Variants in TEX36 observed in about 807,000 individuals in gnomAD.
The protein encoded by TEX36 is testis expressed 36.
Under a neutral mutation model 13.6 loss-of-function variants are expected in TEX36, and 12 were observed. That is an observed-to-expected ratio of 0.88 (90% CI 0.56 to 1.43). TEX36 has a LOEUF of 1.43. Among genes scored for constraint, TEX36 ranks in the 40% most tolerant of loss-of-function variants. TEX36 has a pLI of 0.00. For missense variants in TEX36, 224 were observed against 228.3 expected, an observed-to-expected ratio of 0.98 and a Z score of 0.12; for synonymous variants, 93 against 83.0, an observed-to-expected ratio of 1.12 and a Z score of -0.65.
At chr10:125,622,909 G>A (rs1037310490) in intron 3 of TEX36, among the ~76,000 whole-genome samples, 11 of 152,164 alleles carry the variant, frequency 7.2e-5, no homozygotes, top group South Asian at 2.1e-4. Flanking sequence ...TCATTGTTGC[G>A]TCTCCTGGTG....
In TEX36 at chr10:125,667,890, G is replaced by A. The variant is rs546678506; in HGVS notation, c.52-5913C>T. 45 of 1,512,804 alleles carry A rather than the reference G, an allele frequency of 3.0e-5. No homozygotes were observed. The African/African-American group carries it at 3.6e-4, about 12-fold the overall frequency. The allele number at this position is 1,512,804 out of a possible 1,614,324, so 93.7% of individuals were successfully genotyped here. On this transcript the variant is annotated intron_variant, in intron 1 of 3. Transcript: ENST00000368821. The stretch of plus-strand genomic sequence containing the variant: ...CCCTTGCCCAGTGCCACGATGCGGT[G>A]AGCGATGTCAGACAGCTCCTTCTTC...
chr10:125,614,890 G>A (rs1258699840), intron 3 of TEX36, among the ~76,000 whole-genome samples: 2 of 152,072 alleles, frequency 1.3e-5, no homozygotes, highest in African/African-American at 4.8e-5. Context: ...CCATTTTCAC[G>A]GTATTGATTC....
intron 1 of TEX36, among the ~76,000 whole-genome samples, chr10:125,677,203 C>T (rs375580103): frequency 2.6e-5 from 4 of 152,234 alleles, no homozygotes; most frequent in African/African-American, 9.6e-5. Context: ...ATTGTATCTG[C>T]CTGGGGACTG....
At chr10:125,653,845 G>A (rs1212117879), downstream of TEX36, among the ~76,000 whole-genome samples, 3 of 151,878 alleles carry the variant, frequency 2.0e-5, no homozygotes, top group Non-Finnish European at 4.4e-5. Context: ...AGTTGAGTGT[G>A]GTGGCATGCT....
chr10:125,648,072 G>T (rs1022694053), intron 3 of TEX36, among the ~76,000 whole-genome samples: 2 of 152,228 alleles, frequency 1.3e-5, no homozygotes, highest in African/African-American at 2.4e-5. Context: ...CTTCACCTCT[G>T]GGGGCAGGGC....
At chr10:125,599,046 T>C (rs1846113572) in intron 3 of TEX36, among the ~76,000 whole-genome samples, 1 of 152,200 alleles carries the variant, frequency 6.6e-6, no homozygotes, top group Non-Finnish European at 1.5e-5. Flanking sequence ...TGCCTTCTGC[T>C]ACCTGAAGAG....
At chr10:125,649,710 TAA>T (rs1348878733) in intron 3 of TEX36, among the ~76,000 whole-genome samples, 22 of 152,144 alleles carry the variant, frequency 1.4e-4, no homozygotes, top group Non-Finnish European at 2.8e-4. Flanking sequence ...GCAAATTGGA[TAA>T]AGAGTCAAGA....
intron 3 of TEX36, among the ~76,000 whole-genome samples, chr10:125,581,495 C>T (rs1845881777): frequency 6.6e-6 from 1 of 152,140 alleles, no homozygotes; most frequent in Non-Finnish European, 1.5e-5. Context: ...ATTTCCTGTC[C>T]CACTTTTCCC....
intron 3 of TEX36, among the ~76,000 whole-genome samples, chr10:125,643,593 T>C (rs1205485667): frequency 2.0e-5 from 3 of 151,924 alleles, no homozygotes; most frequent in Admixed American, 6.6e-5. Flanking sequence ...ATACAAAAAA[T>C]TAGCCAGGCT....
At position 125,665,414 on chromosome 10, in the gene TEX36, AT is replaced by A. The variant is rs1053973177; in HGVS notation, c.52-3438del. ...TAAGTCTTCAATTCATTTTGAGTTG[AT>A]TTTTTTATATGGTGAGATATAGGTG... On this transcript the variant is annotated intron_variant, in intron 1 of 3. Coordinates refer to ENST00000368821, the MANE Select transcript of TEX36 (RefSeq NM_001128202.3). Among the ~76,000 whole-genome samples the A allele has an allele frequency of 3.9e-5, 6 of 152,054 alleles. No individual in the cohort carries two copies. In the East Asian group the frequency reaches 1.2e-3, roughly 29 times the overall value.
chr10:125,585,856 T>G (rs1408861059), intron 3 of TEX36, among the ~76,000 whole-genome samples: 4 of 152,262 alleles, frequency 2.6e-5, no homozygotes, highest in Non-Finnish European at 4.4e-5. Context: ...TTTAATGATT[T>G]GGATTCATTT....
At chr10:125,618,518 A>G (rs1478246502), downstream of TEX36, among the ~76,000 whole-genome samples, 1 of 152,114 alleles carries the variant, frequency 6.6e-6, no homozygotes, top group Non-Finnish European at 1.5e-5. Flanking sequence ...CAGGACCCTC[A>G]GCTGCAGGTC....
At chr10:125,592,695 G>T (rs1486398227) in intron 3 of TEX36, among the ~76,000 whole-genome samples, 1 of 152,100 alleles carries the variant, frequency 6.6e-6, no homozygotes, top group East Asian at 1.9e-4. Flanking sequence ...TGAGAGACCA[G>T]TCCCAAGCCC....
At chr10:125,581,141 C>CTCT (rs1326738250) in intron 3 of TEX36, among the ~76,000 whole-genome samples, 1 of 152,196 alleles carries the variant, frequency 6.6e-6, no homozygotes, top group East Asian at 1.9e-4. Flanking sequence ...CATGTTTCCC[C>CTCT]TCTTCCTGAG....
At chr10:125,660,479 C>A (rs972105724) in intron 3 of TEX36, among the ~76,000 whole-genome samples, 1 of 152,134 alleles carries the variant, frequency 6.6e-6, no homozygotes, top group African/African-American at 2.4e-5. Flanking sequence ...TTAATGTAAC[C>A]ACTAAAGCAT....
Position 125,683,086 on chromosome 10 carries a change from A to G in TEX36, c.-97T>C. 6.6e-6 allele frequency: 9 copies of G among 1,358,214 alleles called. No homozygotes were observed. The highest frequency in any genetic ancestry group is 3.9e-5 in the Admixed American group (2 of 50,726). 84.1% of individuals were successfully genotyped at this position (1,358,214 alleles called of 1,614,324 possible). On this transcript the variant is annotated 5_prime_UTR_variant, in exon 1 of 4. Transcript: ENST00000368821. ...CTGCTTCCTAAACTTCATAAGCTCTACACGTCTGGGAAGCTCCTCCTCCTC... is the reference window on the plus strand; with the variant it reads ...CTGCTTCCTAAACTTCATAAGCTCTGCACGTCTGGGAAGCTCCTCCTCCTC...
At position 125,656,108 on chromosome 10, in the gene TEX36, C is replaced by A. The variant is rs1378832492; in HGVS notation, c.353G>T (p.Cys118Phe). 7 of 1,551,030 alleles carry A rather than the reference C, an allele frequency of 4.5e-6. No individual in the cohort carries two copies. Among genetic ancestry groups the A allele is most frequent in the Non-Finnish European group, 6.1e-6 (7 of 1,146,916 alleles). ...TTGGTTATTTGAAAAGCCATCAAGA[C>A]AAGATGGAACATAGTCACATGCCCA... Reference protein sequence around the residue: ...NLWACDYVPSCLDGFSNNQIS... With the variant: ...NLWACDYVPSFLDGFSNNQIS... Residue 118 changes from cysteine to phenylalanine, a missense_variant, in exon 4 of 4, where the codon TGT (cysteine) becomes TTT (phenylalanine). By Grantham distance (205) the Cys-to-Phe change is radical. Coordinates refer to ENST00000368821, the MANE Select transcript of TEX36 (RefSeq NM_001128202.3).
chr10:125,655,943 C>A lies in TEX36; in HGVS notation c.518G>T (p.Arg173Met), dbSNP rs1280365266. 1 of 1,546,452 alleles carries A rather than the reference C, an allele frequency of 6.5e-7. No homozygotes were observed. Among genetic ancestry groups the A allele is most frequent in the Non-Finnish European group, 8.7e-7 (1 of 1,144,448 alleles). The change falls in exon 4 of 4, where the codon AGG (arginine) becomes ATG (methionine). Residue 173 changes from arginine to methionine, a missense_variant. Transcript: ENST00000368821. ...AACAACCTTTTTGTCAACAGTGAAC[C>A]TTACTTTGGGCTTCTTTTTCAAAAC... is the stretch of plus-strand genomic sequence containing the variant. ...TEVLKKKPKV[R>M]FTVDKKVVSS...
chr10:125,668,779 T>A (rs1847168989), intron 1 of TEX36, among the ~76,000 whole-genome samples: 2 of 152,252 alleles, frequency 1.3e-5, no homozygotes, highest in Non-Finnish European at 2.9e-5. Context: ...TTATTCTTGC[T>A]TTTCTAGTTC....
Sources: allele counts gnomAD v4.1 joint callset (sites outside exome capture counted in the v4.1 genomes callset), GRCh38; gene constraint gnomAD v4.1.1; transcripts MANE v1.5; gene names NCBI Gene and HGNC (gene_info 2026-07-23, HGNC 2026-07-21).